The following FAAH2 variants were observed in gnomAD, a reference collection of about 807,000 sequenced individuals.
FAAH2 encodes the protein fatty acid amide hydrolase 2.
In FAAH2, 60 loss-of-function variants were observed where a neutral mutation model predicts 36.9. The ratio of observed to expected loss-of-function variants is 1.63; its 90% CI spans 1.32 to 2.02. FAAH2 has a LOEUF of 2.02. FAAH2 is among the 30% of genes most tolerant of loss of function. FAAH2 has a pLI of 0.00. For missense variants in FAAH2, 689 were observed against 397.5 expected, an observed-to-expected ratio of 1.73 and a Z score of -6.23; for synonymous variants, 214 against 143.8, an observed-to-expected ratio of 1.49 and a Z score of -3.49.
chrX:57,214,625 C>T, the FAAH2 span, among the ~76,000 whole-genome samples: 2 of 110,852 alleles, frequency 1.8e-5, no homozygotes, highest in South Asian at 3.8e-4. Context: ...GACGGGATTT[C>T]GCCATGTTAG....
At chrX:57,382,926 A>T (rs1337385641) in intron 7 of FAAH2, among the ~76,000 whole-genome samples, 1 of 111,868 alleles carries the variant, frequency 8.9e-6, no homozygotes, top group African/African-American at 3.3e-5. Context: ...AAAAATCCTA[A>T]ATAAAATACT....
chrX:57,309,539 T>C (rs935579859), intron 2 of FAAH2, among the ~76,000 whole-genome samples: 5 of 111,301 alleles, frequency 4.5e-5, no homozygotes, highest in African/African-American at 1.6e-4. Flanking sequence ...ACCATGATGG[T>C]TTTCTGCACC....
chrX:57,360,667 T>C, intron 5 of FAAH2, among the ~76,000 whole-genome samples: 1 of 111,546 alleles, frequency 9.0e-6, no homozygotes, highest in Non-Finnish European at 1.9e-5. Context: ...TTTTTAAATT[T>C]TCTTAATTTT....
At chrX:57,456,576 C>G (rs1324905725) in intron 10 of FAAH2, among the ~76,000 whole-genome samples, 1 of 111,478 alleles carries the variant, frequency 9.0e-6, no homozygotes. Flanking sequence ...AAATAAAGAT[C>G]CAAATGAGCA....
intron 7 of FAAH2, among the ~76,000 whole-genome samples, chrX:57,401,817 C>T (rs2055443163): frequency 9.0e-6 from 1 of 111,286 alleles, no homozygotes; most frequent in Non-Finnish European, 1.9e-5. Context: ...AATGGGTGTT[C>T]CTTCTCCTAT....
the FAAH2 span, among the ~76,000 whole-genome samples, chrX:57,182,455 A>C: frequency 8.9e-6 from 1 of 111,966 alleles, no homozygotes; most frequent in East Asian, 2.8e-4. Context: ...AAGCATATAG[A>C]AAAGCTCAAT....
intron 2 of FAAH2, among the ~76,000 whole-genome samples, chrX:57,299,680 A>T (rs1483642581): frequency 8.0e-5 from 9 of 111,914 alleles, no homozygotes. Flanking sequence ...CTGTTTGCAG[A>T]TGACATGATT....
intron 10 of FAAH2, chrX:57,452,362 G>A: frequency 2.7e-6 from 2 of 740,714 alleles, no homozygotes; most frequent in Admixed American, 8.8e-5. Context: ...TTGTACCCAT[G>A]CCAGTCATTA....
intron 8 of FAAH2, among the ~76,000 whole-genome samples, chrX:57,434,407 A>G (rs1243336487): frequency 9.1e-6 from 1 of 110,382 alleles, no homozygotes; most frequent in East Asian, 2.8e-4. Context: ...CAATACAAAT[A>G]TATTAGAATA....
At chrX:57,175,025 G>A in the FAAH2 span, among the ~76,000 whole-genome samples, 1 of 111,490 alleles carries the variant, frequency 9.0e-6, no homozygotes, top group African/African-American at 3.2e-5. Flanking sequence ...AAAATGTTAT[G>A]TGTGGTGATA....
chrX:57,308,167 G>T (rs779235050), intron 2 of FAAH2, among the ~76,000 whole-genome samples: 1 of 111,673 alleles, frequency 9.0e-6, no homozygotes, highest in Non-Finnish European at 1.9e-5. Flanking sequence ...CCAGTAATGT[G>T]ATTGCTGGGT....
the FAAH2 span, among the ~76,000 whole-genome samples, chrX:57,209,921 G>A: frequency 9.1e-6 from 1 of 110,154 alleles, no homozygotes; most frequent in Non-Finnish European, 1.9e-5. Flanking sequence ...TCCATGGGTG[G>A]GTGTCAGCTG....
the FAAH2 span, among the ~76,000 whole-genome samples, chrX:57,239,548 G>T: frequency 9.1e-6 from 1 of 109,908 alleles, no homozygotes; most frequent in Non-Finnish European, 1.9e-5. Flanking sequence ...TCTTGCAGGG[G>T]TTCTTTGTAT....
intron 8 of FAAH2, among the ~76,000 whole-genome samples, chrX:57,441,975 A>G (rs2056568506): frequency 8.9e-6 from 1 of 111,838 alleles, no homozygotes; most frequent in Admixed American, 9.5e-5. Flanking sequence ...TCTGAGAGAC[A>G]GTTTGTTATA....
chrX:57,466,128 ATCTCTCTCTC>A (rs66516710), intron 10 of FAAH2, among the ~76,000 whole-genome samples: 3 of 70,823 alleles, frequency 4.2e-5, no homozygotes, highest in African/African-American at 1.0e-4. Context: ...TTGTTGGATT[ATCTCTCTCTC>A]TCTCTCTCTC....
At chrX:57,262,767 A>G in the FAAH2 span, among the ~76,000 whole-genome samples, 1 of 111,796 alleles carries the variant, frequency 8.9e-6, no homozygotes, top group African/African-American at 3.2e-5. Context: ...ATACACTATG[A>G]CCAAGTGGGG....
At chrX:57,350,095 A>G (rs2053959663) in intron 5 of FAAH2, among the ~76,000 whole-genome samples, 1 of 111,236 alleles carries the variant, frequency 9.0e-6, no homozygotes, top group African/African-American at 3.3e-5. Flanking sequence ...AAATAAATGG[A>G]TGATATGTTC....
intron 7 of FAAH2, among the ~76,000 whole-genome samples, chrX:57,412,661 G>A (rs1027782968): frequency 1.8e-5 from 2 of 111,892 alleles, no homozygotes; most frequent in Admixed American, 1.9e-4. Context: ...CTTTGCTACT[G>A]TGAACAGTGC....
chrX:57,226,811 A>C, the FAAH2 span, among the ~76,000 whole-genome samples: 1 of 111,973 alleles, frequency 8.9e-6, no homozygotes, highest in African/African-American at 3.2e-5. Flanking sequence ...GTTGTTTAAC[A>C]TAATCCAAAA....
Sources: gnomAD v4.1 joint callset for allele counts (sites outside exome capture counted in the v4.1 genomes callset) on GRCh38, gnomAD v4.1.1 for gene constraint, MANE v1.5 for transcripts, NCBI Gene and HGNC (gene_info 2026-07-23, HGNC 2026-07-21) for gene names.